Variants in RFX3 observed in about 807,000 individuals in gnomAD.
RFX3 encodes transcription factor RFX3.
RFX3 carries 14 observed loss-of-function variants against 98.6 expected under a neutral mutation model. The observed-to-expected ratio is 0.14, with a 90% CI of 0.09 to 0.22. The LOEUF is 0.22. Among genes scored for constraint, RFX3 ranks in the 10% least tolerant of loss-of-function variants. The probability of loss-of-function intolerance (pLI) is 1.00; values close to 1 mark genes in which losing one functional copy is unlikely to be tolerated. For missense variants in RFX3, 639 were observed against 926.9 expected, an observed-to-expected ratio of 0.69 and a Z score of 4.03; for synonymous variants, 383 against 328.4, an observed-to-expected ratio of 1.17 and a Z score of -1.80.
chr9:3,300,087 T>C (rs1036714161), intron 5 of RFX3, among the ~76,000 whole-genome samples: 2 of 151,294 alleles, frequency 1.3e-5, no homozygotes, highest in Non-Finnish European at 3.0e-5. Context: ...AGCATAAATA[T>C]AAGTTAATCA....
At chr9:3,409,219 G>A (rs1842250947) in intron 1 of RFX3, among the ~76,000 whole-genome samples, 2 of 152,186 alleles carry the variant, frequency 1.3e-5, no homozygotes, top group African/African-American at 4.8e-5. Flanking sequence ...GCCAAAAAGT[G>A]TATAAATGAT....
At chr9:3,262,554 G>A (rs1373831819) in intron 13 of RFX3, among the ~76,000 whole-genome samples, 4 of 152,170 alleles carry the variant, frequency 2.6e-5, no homozygotes, top group Non-Finnish European at 5.9e-5. Flanking sequence ...TCTAAGACAG[G>A]TGTTGTAAGG....
chr9:3,247,926 C>T (rs774554296), intron 15 of RFX3, 106 bp downstream of exon 15: 1 of 1,612,662 alleles, frequency 6.2e-7, no homozygotes, highest in Admixed American at 1.7e-5. Context: ...CTGAGGCTGA[C>T]TTGGTTAGGA....
In RFX3 at chr9:3,346,707, A is replaced by G; in HGVS notation, c.175T>C (p.Tyr59His). Residue 59 changes from tyrosine to histidine, a missense_variant, in exon 3 of 17, where the codon TAT becomes CAT. Tyr to His is a moderately conservative substitution (Grantham distance 83). Transcript: ENST00000617270. ...TAGACAGTATCGCTTCCTTCCACAT[A>G]CTGCACCTGAGCGGGATAGACATGT... The part of the protein sequence containing the change: ...VQHVYPAQVQ[Y>H]VEGSDTVYTN... The G allele has an allele frequency of 6.2e-7, 1 of 1,613,706 alleles. No individual in the cohort carries two copies. The highest frequency in any genetic ancestry group is 8.5e-7 in the Non-Finnish European group (1 of 1,179,648).
intron 1 of RFX3, among the ~76,000 whole-genome samples, chr9:3,521,770 T>C (rs1818734023): frequency 1.3e-5 from 2 of 152,116 alleles, no homozygotes; most frequent in African/African-American, 4.8e-5. Flanking sequence ...ATATAAAAAA[T>C]GCTGTCAAAA....
intron 7 of RFX3, among the ~76,000 whole-genome samples, chr9:3,285,403 T>A (rs1826458181): frequency 6.6e-6 from 1 of 151,828 alleles, no homozygotes; most frequent in African/African-American, 2.4e-5. Flanking sequence ...TTTTAAGAAG[T>A]TCTTTTCCCA....
intron 4 of RFX3, among the ~76,000 whole-genome samples, chr9:3,327,911 T>A (rs1458465914): frequency 1.3e-5 from 2 of 151,860 alleles, no homozygotes; most frequent in Admixed American, 1.3e-4. Flanking sequence ...AGAAGAAGAA[T>A]CCTCAAACTA....
At chr9:3,447,232 A>G (rs1846133042) in intron 1 of RFX3, among the ~76,000 whole-genome samples, 1 of 151,530 alleles carries the variant, frequency 6.6e-6, no homozygotes, top group Non-Finnish European at 1.5e-5. Context: ...AACACACAAG[A>G]AAAAAAAACT....
intron 1 of RFX3, among the ~76,000 whole-genome samples, chr9:3,497,240 AGT>A (rs1282319469): frequency 2.0e-5 from 3 of 152,058 alleles, no homozygotes; most frequent in African/African-American, 4.8e-5. Context: ...TATTCTATAA[AGT>A]GCTACAGTCA....
intron 1 of RFX3, among the ~76,000 whole-genome samples, chr9:3,460,571 T>C (rs1475660524): frequency 6.6e-6 from 1 of 151,912 alleles, no homozygotes; most frequent in Non-Finnish European, 1.5e-5. Flanking sequence ...TTTCCTTAGC[T>C]CTAAACTTGA....
chr9:3,297,346 A>G (rs1828116880), intron 5 of RFX3, among the ~76,000 whole-genome samples: 2 of 152,106 alleles, frequency 1.3e-5, no homozygotes, highest in African/African-American at 2.4e-5. Flanking sequence ...CTTTATCTTT[A>G]AAACTTGATT....
intron 1 of RFX3, among the ~76,000 whole-genome samples, chr9:3,473,448 C>T (rs1318422391): frequency 1.3e-5 from 2 of 152,192 alleles, no homozygotes; most frequent in Non-Finnish European, 1.5e-5. Flanking sequence ...AAGTCTAAAA[C>T]ATGCGTACTG....
chr9:3,388,404 T>C (rs1228869812), intron 2 of RFX3, among the ~76,000 whole-genome samples: 1 of 152,140 alleles, frequency 6.6e-6, no homozygotes, highest in Non-Finnish European at 1.5e-5. Flanking sequence ...AAATGTCTTT[T>C]ATCTTTTTGA....
chr9:3,437,594 G>C (rs12115798), intron 1 of RFX3, among the ~76,000 whole-genome samples: 1 of 151,998 alleles, frequency 6.6e-6, no homozygotes, highest in East Asian at 1.9e-4. Context: ...TTCAGTACTA[G>C]GCCAGGGTTC....
At chr9:3,278,125 A>C (rs1825470165) in intron 7 of RFX3, among the ~76,000 whole-genome samples, 2 of 151,958 alleles carry the variant, frequency 1.3e-5, no homozygotes, top group South Asian at 2.1e-4. Context: ...GGTCCTAGTC[A>C]TACAAACTTA....
chr9:3,496,601 T>C (rs1003808152), intron 1 of RFX3, among the ~76,000 whole-genome samples: 1 of 152,032 alleles, frequency 6.6e-6, no homozygotes, highest in African/African-American at 2.4e-5. Flanking sequence ...ACTATCACGT[T>C]AAGCTCTCTC....
chr9:3,364,624 G>A (rs1343461518), intron 2 of RFX3: 1 of 163,818 alleles, frequency 6.1e-6, no homozygotes, highest in Non-Finnish European at 1.3e-5. Flanking sequence ...AATGTTATCT[G>A]TCAAGGCAAT....
At chr9:3,439,917 C>T (rs1273274131) in intron 1 of RFX3, among the ~76,000 whole-genome samples, 45 of 151,986 alleles carry the variant, frequency 3.0e-4, no homozygotes, top group Admixed American at 2.8e-3. Context: ...ATCAGAACTA[C>T]GTAGAGTCAG....
chr9:3,339,523 C>T (rs187216237), intron 3 of RFX3, among the ~76,000 whole-genome samples: 2 of 152,238 alleles, frequency 1.3e-5, no homozygotes, highest in African/African-American at 4.8e-5. Context: ...CATTTTTTCC[C>T]TGTGTACTTA....
Sources: gnomAD v4.1 joint callset for allele counts (sites outside exome capture counted in the v4.1 genomes callset) on GRCh38, gnomAD v4.1.1 for gene constraint, MANE v1.5 for transcripts, NCBI Gene and HGNC (gene_info 2026-07-23, HGNC 2026-07-21) for gene names.